Variants in KIAA1586 observed in about 807,000 individuals in gnomAD.
The protein encoded by KIAA1586 is E3 SUMO-protein ligase KIAA1586.
Under a neutral mutation model 6.1 loss-of-function variants are expected in KIAA1586, and 5 were observed. The ratio of observed to expected loss-of-function variants is 0.82; its 90% CI spans 0.43 to 1.73. The LOEUF (loss-of-function observed/expected upper bound fraction) is 1.73, where lower values mean the gene tolerates loss of function less well. Among genes scored for constraint, KIAA1586 ranks in the 40% most tolerant of loss-of-function variants. KIAA1586 has a pLI of 0.02. For synonymous variants in KIAA1586, 280 were observed against 301.7 expected (o/e 0.93, Z 0.75); for missense variants, 899 against 878.2 (o/e 1.02, Z -0.30).
At chr6:57,050,610 C>T (rs1170328666) in intron 2 of KIAA1586, among the ~76,000 whole-genome samples, 164 bp from the exon 3 acceptor site, 1 of 152,050 alleles carries the variant, frequency 6.6e-6, no homozygotes, top group East Asian at 1.9e-4. Context: ...GCCACTGCTC[C>T]CAGCCCCTTT....
Position 57,052,944 on chromosome 6 carries a change from T to C in KIAA1586, c.445T>C (p.Tyr149His). 5.6e-6 allele frequency: 9 copies of C among 1,613,780 alleles called. No homozygotes were observed. The highest frequency in any genetic ancestry group is 7.6e-6 in the Non-Finnish European group (9 of 1,179,828). The part of the protein sequence containing the change: ...EKQAFMFTEQ[Y>H]KWLEIKEGKL... ...ACAAGCATTTATGTTTACAGAACAA[T>C]ACAAATGGCTTGAAATAAAAGAAGG... Residue 149 changes from tyrosine (Y) to histidine (H), a missense_variant, in exon 4 of 4, where the codon TAC (tyrosine) becomes CAC (histidine). Coordinates refer to ENST00000370733, the MANE Select transcript of KIAA1586 (RefSeq NM_020931.4).
chr6:57,053,176 C>A lies in KIAA1586; in HGVS notation c.677C>A (p.Ser226Ter). Reference sequence around the variant, plus strand: ...AAAATTCAGGATTTGTTAAAGGAATCAACTAATGATTCAATTTGTAATTTA... The same window carrying A: ...AAAATTCAGGATTTGTTAAAGGAATAAACTAATGATTCAATTTGTAATTTA... ...HGKIQDLLKESTNDSICNLVH... is the reference protein window; with the variant it reads ...HGKIQDLLKE The change falls in exon 4 of 4, where the codon TCA becomes TAA. Residue 226 changes from serine (S) to a stop codon, truncating the protein, a stop_gained. Transcript: ENST00000370733. LOFTEE classifies it low-confidence loss of function (END_TRUNC). 6.2e-7 allele frequency: 1 copy of A among 1,607,892 alleles called. No homozygotes were observed. The highest frequency in any genetic ancestry group is 1.1e-5 in the South Asian group (1 of 90,068).
At chr6:57,051,224 T>G (rs1828316137) in intron 3 of KIAA1586, among the ~76,000 whole-genome samples, 1 of 143,856 alleles carries the variant, frequency 7.0e-6, no homozygotes, top group Non-Finnish European at 1.5e-5. Context: ...AGAGCAAGAC[T>G]CCTTCTCAAA....
At chr6:57,055,469 G>C (rs1828484099), downstream of KIAA1586, among the ~76,000 whole-genome samples, 1 of 151,830 alleles carries the variant, frequency 6.6e-6, no homozygotes, top group Admixed American at 6.6e-5. Context: ...TCAAACTTGT[G>C]TGTCATTTCC....
At chr6:57,055,971 C>G (rs1485999221), downstream of KIAA1586, among the ~76,000 whole-genome samples, 2 of 151,840 alleles carry the variant, frequency 1.3e-5, no homozygotes, top group African/African-American at 2.4e-5. Context: ...CACCTAAAAT[C>G]AGAATTAACA....
chr6:57,064,166 A>T, the KIAA1586 span, among the ~76,000 whole-genome samples: 3 of 152,250 alleles, frequency 2.0e-5, no homozygotes, highest in African/African-American at 7.2e-5. Context: ...TTCTTTGAAG[A>T]TACATATTTC....
chr6:57,063,198 G>C, the KIAA1586 span, among the ~76,000 whole-genome samples: 1 of 152,020 alleles, frequency 6.6e-6, no homozygotes, highest in Admixed American at 6.6e-5. Context: ...TTGGATTCTT[G>C]AATGAGGTAA....
At position 57,053,816 on chromosome 6, in the gene KIAA1586, T is replaced by C. The variant is rs765300775; in HGVS notation, c.1317T>C (p.His439=). ...DSISEIKQIN[H]LKIFIDKIYS... Reference sequence around the variant, plus strand: ...TATCCGAAATAAAACAAATTAATCATTTAAAAATATTTATTGATAAAATTT... The same window carrying C: ...TATCCGAAATAAAACAAATTAATCACTTAAAAATATTTATTGATAAAATTT... Residue 439 remains histidine, a synonymous_variant, in exon 4 of 4, where the codon CAT becomes CAC. Coordinates refer to ENST00000370733, the MANE Select transcript of KIAA1586 (RefSeq NM_020931.4). 4.0e-6 allele frequency: 6 copies of C among 1,490,150 alleles called. No individual in the cohort carries two copies. The highest frequency in any genetic ancestry group is 4.5e-6 in the Non-Finnish European group (5 of 1,107,062). 92.3% of individuals were successfully genotyped at this position (1,490,150 alleles called of 1,614,324 possible).
downstream of KIAA1586, among the ~76,000 whole-genome samples, chr6:57,057,163 G>T (rs1007684268): frequency 1.3e-4 from 19 of 151,830 alleles, no homozygotes; most frequent in African/African-American, 3.9e-4. Flanking sequence ...AGGAGGCGGA[G>T]GTTGCAGTGA....
At chr6:57,056,247 C>T (rs764833446), downstream of KIAA1586, among the ~76,000 whole-genome samples, 4 of 151,626 alleles carry the variant, frequency 2.6e-5, no homozygotes, top group Non-Finnish European at 4.4e-5. Context: ...TCTTGTGTCA[C>T]CCAGGCTGGA....
rs1301624418 is a variant in KIAA1586 at position 57,054,347 on chromosome 6, AC to A, written c.1849del (p.Arg617AlafsTer28). 1 of 1,600,728 alleles carries A rather than the reference AC, an allele frequency of 6.2e-7. No homozygotes were observed. Among genetic ancestry groups the A allele is most frequent in the Non-Finnish European group, 8.5e-7 (1 of 1,176,050 alleles). On this transcript the variant is annotated frameshift_variant, in exon 4 of 4. Transcript: ENST00000370733. LOFTEE classifies it low-confidence loss of function (END_TRUNC). ...LDNIIQHMNL[R>X]LLSDRNHEDI... ...ACAATATAATTCAGCACATGAACCT[AC>A]GCCTTTTATCTGACAGAAACCATGA...
chr6:57,061,775 G>A, the KIAA1586 span, among the ~76,000 whole-genome samples: 1 of 151,792 alleles, frequency 6.6e-6, no homozygotes, highest in African/African-American at 2.4e-5. Flanking sequence ...TATACCATTA[G>A]AAATTATTTG....
chr6:57,053,264 T>C lies in KIAA1586; in HGVS notation c.765T>C (p.Ser255=), dbSNP rs1382169195. The C allele has an allele frequency of 1.9e-6, 3 of 1,605,528 alleles. No individual in the cohort carries two copies. In the African/African-American group the frequency reaches 4.0e-5, roughly 22 times the overall value. ...ATVKVFNTVY[S]LVKHNRPLSD... is the part of the protein sequence containing the mutation. Reference sequence around the variant, plus strand: ...TAAAAGTTTTCAATACTGTTTACAGTTTAGTAAAACATAACAGACCTTTAT... The same window carrying C: ...TAAAAGTTTTCAATACTGTTTACAGCTTAGTAAAACATAACAGACCTTTAT... Residue 255 remains serine (S), a synonymous_variant, in exon 4 of 4, where the codon AGT becomes AGC. Transcript: ENST00000370733.
Position 57,053,543 on chromosome 6 carries a change from T to C in KIAA1586, c.1044T>C (p.Phe348=), listed in dbSNP as rs1828402620. The C allele has an allele frequency of 6.2e-7, 1 of 1,613,286 alleles. No individual in the cohort carries two copies. Among genetic ancestry groups the C allele is most frequent in the African/African-American group, 1.3e-5 (1 of 74,912 alleles). Residue 348 remains phenylalanine, a synonymous_variant, in exon 4 of 4, where the codon TTT becomes TTC. Transcript: ENST00000370733. ...CAGCTCCTGCACCTGTTATGTTATT[T>C]GTGGCTTTAAAAGAATTGGTGTCAA... ...IQSAPAPVML[F]VALKELVSTI...
At position 57,054,994 on chromosome 6, in the gene KIAA1586, A is replaced by G. The variant is rs1828472316; in HGVS notation, c.*131A>G. 9.4e-7 allele frequency: 1 copy of G among 1,059,392 alleles called. No homozygotes were observed. The highest frequency in any genetic ancestry group is 2.0e-5 in the South Asian group (1 of 49,628). 65.6% of individuals were successfully genotyped at this position (1,059,392 alleles called of 1,614,324 possible). A position where few individuals can be genotyped will look rare whatever the true frequency, so the allele number is the denominator to read the frequency against. ...TGTTGCTGTTTAAAAGGCGTTCTTTAAGAAGATAATCTTGAAGATTGGTTT... is the reference window on the plus strand; with the variant it reads ...TGTTGCTGTTTAAAAGGCGTTCTTTGAGAAGATAATCTTGAAGATTGGTTT... On this transcript the variant is annotated 3_prime_UTR_variant, in exon 4 of 4. Coordinates refer to ENST00000370733, the MANE Select transcript of KIAA1586 (RefSeq NM_020931.4).
chr6:57,066,704 C>G, the KIAA1586 span, among the ~76,000 whole-genome samples: 1 of 152,200 alleles, frequency 6.6e-6, no homozygotes, highest in African/African-American at 2.4e-5. Context: ...ATCCTTTGAA[C>G]TTAATGCAGA....
Position 57,053,771 on chromosome 6 carries a change from A to G in KIAA1586, c.1272A>G (p.Gln424=), listed in dbSNP as rs770333170. The part of the protein sequence containing the change: ...IIWNCLNHRL[Q]LSLDDSISEI... ...GGAACTGTTTAAATCATCGATTACA[A>G]TTGTCACTTGATGATTCTATATCCG... The change falls in exon 4 of 4, where the codon CAA becomes CAG. Residue 424 remains glutamine, a synonymous_variant. Transcript: ENST00000370733. 2.3e-5 allele frequency: 36 copies of G among 1,583,688 alleles called. No individual in the cohort carries two copies. Among genetic ancestry groups the G allele is most frequent in the Non-Finnish European group, 2.8e-5 (33 of 1,165,014 alleles).
the KIAA1586 span, among the ~76,000 whole-genome samples, chr6:57,064,776 T>G: frequency 6.6e-6 from 1 of 152,162 alleles, no homozygotes; most frequent in African/African-American, 2.4e-5. Flanking sequence ...AATTTTTGTG[T>G]GTATATCCCT....
chr6:57,055,668 T>A (rs992513829), downstream of KIAA1586, among the ~76,000 whole-genome samples: 1 of 152,204 alleles, frequency 6.6e-6, no homozygotes, highest in Admixed American at 6.5e-5. Context: ...TTAATCATGA[T>A]TAAATTATTT....
Sources: allele counts gnomAD v4.1 joint callset (sites outside exome capture counted in the v4.1 genomes callset), GRCh38; gene constraint gnomAD v4.1.1; transcripts MANE v1.5; gene names NCBI Gene and HGNC (gene_info 2026-07-23, HGNC 2026-07-21).